RNF115: variants seen among roughly 807,000 people sequenced by gnomAD.
The protein encoded by RNF115 is E3 ubiquitin-protein ligase RNF115.
RNF115 carries 31 observed loss-of-function variants against 39.2 expected under a neutral mutation model. That is an observed-to-expected ratio of 0.79 (90% CI 0.59 to 1.07). RNF115 has a LOEUF of 1.07. Ranked by LOEUF, RNF115 falls within the 50% of genes least tolerant of loss-of-function variation. The probability of loss-of-function intolerance (pLI) is 0.00; values close to 1 mark genes in which losing one functional copy is unlikely to be tolerated. For synonymous variants in RNF115, 124 were observed against 131.0 expected (o/e 0.95, Z 0.37); for missense variants, 384 against 381.7 (o/e 1.01, Z -0.05).
intron 1 of RNF115, among the ~76,000 whole-genome samples, chr1:145,815,260 A>T (rs1160382905): frequency 6.6e-6 from 1 of 152,310 alleles, no homozygotes; most frequent in Non-Finnish European, 1.5e-5. Flanking sequence ...ATCAAAGAAG[A>T]TGATAAAATA....
chr1:145,759,774 C>A (rs764054800), intron 4 of RNF115, among the ~76,000 whole-genome samples: 1 of 152,098 alleles, frequency 6.6e-6, no homozygotes, highest in African/African-American at 2.4e-5. Context: ...TAATCTAATA[C>A]CCACCTCCCC....
chr1:145,804,509 A>G (rs1248591083), intron 1 of RNF115, among the ~76,000 whole-genome samples: 1 of 151,486 alleles, frequency 6.6e-6, no homozygotes, highest in Non-Finnish European at 1.5e-5. Context: ...GCACACACAC[A>G]CACACACACA....
At chr1:145,754,707 G>A (rs1398735748) in intron 4 of RNF115, among the ~76,000 whole-genome samples, 2 of 152,136 alleles carry the variant, frequency 1.3e-5, no homozygotes, top group Non-Finnish European at 2.9e-5. Flanking sequence ...CTAAAATTTT[G>A]TATCCTTCAA....
At chr1:145,807,725 ATTG>A (rs1553721814) in intron 1 of RNF115, among the ~76,000 whole-genome samples, 1 of 152,142 alleles carries the variant, frequency 6.6e-6, no homozygotes. Context: ...TGAAATATAC[ATTG>A]TTGTTAACTT....
At position 145,748,838 on chromosome 1, in the gene RNF115, T is replaced by G. The variant is rs587660676; in HGVS notation, c.668-728A>C. On this transcript the variant is annotated intron_variant, in intron 7 of 8. Coordinates refer to ENST00000582693, the MANE Select transcript of RNF115 (RefSeq NM_014455.4). ...GGCGGAGGTTGCAGAGAGCCAAGAT[T>G]GCGCCACTGCACTCCAGCCTGGATG... Among the ~76,000 whole-genome samples, 110 of 150,120 alleles carry G rather than the reference T, an allele frequency of 7.3e-4. No individual in the cohort carries two copies. In the South Asian group the frequency reaches 0.023, roughly 32 times the overall value.
In RNF115 at chr1:145,776,964, A is replaced by G. The variant is rs587768160; in HGVS notation, c.220-5045T>C. ...TAATTATAGTCTTCATCTATTAGAGATCACTGGTTTCTAGTCTGAAAAACG... is the reference window on the plus strand; with the variant it reads ...TAATTATAGTCTTCATCTATTAGAGGTCACTGGTTTCTAGTCTGAAAAACG... On this transcript the variant is annotated intron_variant, in intron 3 of 8. Transcript: ENST00000582693. 4.6e-5 allele frequency among the ~76,000 whole-genome samples: 7 copies of G among 152,308 alleles called. No homozygotes were observed. In the South Asian group the frequency reaches 1.4e-3, roughly 32 times the overall value.
At chr1:145,808,400 A>G (rs587660405) in intron 1 of RNF115, among the ~76,000 whole-genome samples, 3 of 152,230 alleles carry the variant, frequency 2.0e-5, no homozygotes, top group African/African-American at 7.2e-5. Context: ...GTATAATGGT[A>G]TCTCATTCTG....
In RNF115 at chr1:145,746,710, C is replaced by G; in HGVS notation, c.*156G>C. The G allele has an allele frequency of 1.4e-6, 1 of 718,454 alleles. No homozygotes were observed. The highest frequency in any genetic ancestry group is 2.8e-5 in the East Asian group (1 of 35,878). 44.5% of individuals were successfully genotyped at this position (718,454 alleles called of 1,614,324 possible). A position where few individuals can be genotyped will look rare whatever the true frequency, so the allele number is the denominator to read the frequency against. On this transcript the variant is annotated 3_prime_UTR_variant, in exon 9 of 9. Coordinates refer to ENST00000582693, the MANE Select transcript of RNF115 (RefSeq NM_014455.4). The stretch of plus-strand genomic sequence containing the variant: ...ATACAATTCCATCTGTAGATACTAA[C>G]TTTAAATTTAAAGAAGAAAAACATT...
At chr1:145,764,923 C>A (rs1658708369) in intron 4 of RNF115, among the ~76,000 whole-genome samples, 1 of 152,196 alleles carries the variant, frequency 6.6e-6, no homozygotes, top group Admixed American at 6.5e-5. Flanking sequence ...AGGAGGTGTA[C>A]CCAACAGCTC....
chr1:145,743,007 A>G lies in RNF115; in HGVS notation c.*3859T>C, dbSNP rs1657731591. On this transcript the variant is annotated 3_prime_UTR_variant, in exon 9 of 9. Coordinates refer to ENST00000582693, the MANE Select transcript of RNF115 (RefSeq NM_014455.4). Reference sequence around the variant, plus strand: ...ATGGTGAACCACTTCTCATAGAGACACATTATTAACTTGGTGAAACTTAAT... The same window carrying G: ...ATGGTGAACCACTTCTCATAGAGACGCATTATTAACTTGGTGAAACTTAAT... The G allele has an allele frequency of 6.6e-6, 1 of 152,208 alleles. No homozygotes were observed. The highest frequency in any genetic ancestry group is 2.4e-5 in the African/African-American group (1 of 41,444). The allele number at this position is 152,208 out of a possible 1,614,324, so 9.4% of individuals were successfully genotyped here.
chr1:145,766,202 A>C (rs1009475807), intron 4 of RNF115, among the ~76,000 whole-genome samples: 1 of 152,124 alleles, frequency 6.6e-6, no homozygotes, highest in Non-Finnish European at 1.5e-5. Context: ...GACTCTTAAC[A>C]AGCATGCTGC....
At position 145,766,092 on chromosome 1, in the gene RNF115, C is replaced by T. The variant is rs587690873; in HGVS notation, c.428+5619G>A. On this transcript the variant is annotated intron_variant, in intron 4 of 8. Coordinates refer to ENST00000582693, the MANE Select transcript of RNF115 (RefSeq NM_014455.4). ...AGGACAATAGTGGAGGGAAGGTCAG[C>T]AGATAAGTGAACAAAGGTCTCTGGT... Among the ~76,000 whole-genome samples the T allele has an allele frequency of 1.3e-4, 20 of 151,398 alleles. 1 individual carries two copies. The South Asian group carries it at 4.0e-3, about 30-fold the overall frequency.
chr1:145,772,841 T>G (rs1647702724), intron 3 of RNF115: 1 of 152,194 alleles, frequency 6.6e-6, no homozygotes, highest in South Asian at 2.1e-4. Flanking sequence ...CTCCTTACCA[T>G]GATATATATG....
intron 4 of RNF115, among the ~76,000 whole-genome samples, chr1:145,768,941 A>G (rs1647512584): frequency 6.6e-6 from 1 of 152,214 alleles, no homozygotes; most frequent in African/African-American, 2.4e-5. Context: ...TCTATGAAAG[A>G]AAAGAGAAAA....
chr1:145,799,957 T>G (rs928247470), intron 1 of RNF115, among the ~76,000 whole-genome samples: 1 of 152,200 alleles, frequency 6.6e-6, no homozygotes, highest in African/African-American at 2.4e-5. Context: ...AGTTGAGTGT[T>G]TTTATCATGA....
chr1:145,812,590 G>A (rs1649779441), intron 1 of RNF115, among the ~76,000 whole-genome samples: 1 of 151,596 alleles, frequency 6.6e-6, no homozygotes, highest in Admixed American at 6.6e-5. Context: ...AACGTGGGAG[G>A]CGGAGGTTGC....
In RNF115 at chr1:145,784,584, A is replaced by G. The variant is rs1553717891; in HGVS notation, c.174T>C (p.Gly58=). ...TGGTATTGTCTATCCGACTGCCGCC[A>G]CCACCTAAAAAACTAAAGAGAAAAG... The part of the protein sequence containing the change: ...EVTDDSSFLG[G]GGSRIDNTTT... Residue 58 remains glycine, a synonymous_variant, in exon 3 of 9, where the codon GGT becomes GGC. Transcript: ENST00000582693. 1.2e-6 allele frequency: 2 copies of G among 1,613,988 alleles called. No individual in the cohort carries two copies. The highest frequency in any genetic ancestry group is 4.5e-5 in the East Asian group (2 of 44,880).
intron 1 of RNF115, among the ~76,000 whole-genome samples, chr1:145,803,813 C>T (rs782157500): frequency 6.6e-6 from 1 of 152,174 alleles, no homozygotes; most frequent in Non-Finnish European, 1.5e-5. Context: ...AATCAGGTCA[C>T]AAGACAAAGT....
At chr1:145,788,103 C>CT (rs1194329643) in intron 2 of RNF115, among the ~76,000 whole-genome samples, 1 of 151,412 alleles carries the variant, frequency 6.6e-6, no homozygotes, top group African/African-American at 2.4e-5. Flanking sequence ...TTTCTTTTTT[C>CT]TTTTTTTTGA....
Sources: allele counts gnomAD v4.1 joint callset (sites outside exome capture counted in the v4.1 genomes callset), GRCh38; gene constraint gnomAD v4.1.1; transcripts MANE v1.5; gene names NCBI Gene and HGNC (gene_info 2026-07-23, HGNC 2026-07-21).